Variants in KCTD8 observed in about 807,000 individuals in gnomAD.
KCTD8 encodes BTB/POZ domain-containing protein KCTD8.
KCTD8 carries 27 observed loss-of-function variants against 31.5 expected under a neutral mutation model. The observed-to-expected ratio is 0.86, with a 90% confidence interval of 0.63 to 1.18. The LOEUF (loss-of-function observed/expected upper bound fraction) is 1.18. KCTD8 is among the 50% of genes most tolerant of loss of function. The probability of loss-of-function intolerance (pLI) is 0.00; values close to 1 mark genes in which losing one functional copy is unlikely to be tolerated. For synonymous variants in KCTD8, 290 were observed against 280.0 expected, an observed-to-expected ratio of 1.04 and a Z score of -0.36; for missense variants, 658 against 647.7, an observed-to-expected ratio of 1.02 and a Z score of -0.17.
intron 1 of KCTD8, among the ~76,000 whole-genome samples, chr4:44,436,622 T>C (rs1302905631): frequency 1.3e-5 from 2 of 152,042 alleles, no homozygotes; most frequent in African/African-American, 2.4e-5. Flanking sequence ...GATACTAAAG[T>C]ATGTAGGGGT....
intron 1 of KCTD8, among the ~76,000 whole-genome samples, chr4:44,303,390 T>C (rs1191848899): frequency 6.6e-6 from 1 of 152,124 alleles, no homozygotes; most frequent in African/African-American, 2.4e-5. Context: ...ATTGCCACAA[T>C]TTCAGATCCT....
chr4:44,300,054 T>G (rs1717563669), intron 1 of KCTD8, among the ~76,000 whole-genome samples: 1 of 152,094 alleles, frequency 6.6e-6, no homozygotes, highest in South Asian at 2.1e-4. Flanking sequence ...TCGGCCGCCT[T>G]AGGTGATTTT....
At chr4:44,305,367 A>G (rs932077383) in intron 1 of KCTD8, among the ~76,000 whole-genome samples, 6 of 151,766 alleles carry the variant, frequency 4.0e-5, no homozygotes, top group Admixed American at 2.0e-4. Context: ...AGTTAACAGG[A>G]CAGAAATATT....
At chr4:44,439,896 TTATTTTTATTTA>T (rs1350811969) in intron 1 of KCTD8, among the ~76,000 whole-genome samples, 7 of 56,862 alleles carry the variant, frequency 1.2e-4, no homozygotes, top group African/African-American at 2.1e-4. Flanking sequence ...CACCAATCAT[TTATTTTTATTTA>T]TTTATTTATT....
intron 1 of KCTD8, among the ~76,000 whole-genome samples, chr4:44,443,151 C>G (rs1721855749): frequency 6.6e-6 from 1 of 152,144 alleles, no homozygotes; most frequent in Non-Finnish European, 1.5e-5. Flanking sequence ...TTTGCTTATT[C>G]CTCACTAATT....
At chr4:44,187,990 C>T (rs62304801) in intron 1 of KCTD8, among the ~76,000 whole-genome samples, 1,821 of 142,144 alleles carry the variant, frequency 0.013, 41 homozygotes, top group African/African-American at 0.043. Flanking sequence ...CACACACACA[C>T]ATATATATAT....
At chr4:44,430,845 T>C (rs988453595) in intron 1 of KCTD8, among the ~76,000 whole-genome samples, 17 of 151,558 alleles carry the variant, frequency 1.1e-4, no homozygotes, top group Non-Finnish European at 1.8e-4. Context: ...GACTCACCTT[T>C]TACTCCACCT....
intron 1 of KCTD8, among the ~76,000 whole-genome samples, chr4:44,309,687 T>TAG: frequency 6.6e-6 from 1 of 152,156 alleles, no homozygotes; most frequent in East Asian, 1.9e-4. Flanking sequence ...TAGAATACAT[T>TAG]AGAGAGAGAG....
chr4:44,182,136 C>G (rs990767667), intron 1 of KCTD8, among the ~76,000 whole-genome samples: 1 of 151,274 alleles, frequency 6.6e-6, no homozygotes, highest in Non-Finnish European at 1.5e-5. Flanking sequence ...GGTCAGCCCC[C>G]GCCCGGCCAG....
chr4:44,368,681 T>G (rs556041748), intron 1 of KCTD8, among the ~76,000 whole-genome samples: 1 of 152,232 alleles, frequency 6.6e-6, no homozygotes, highest in South Asian at 2.1e-4. Context: ...AAACTATAAG[T>G]AAAAAGTAAG....
At chr4:44,424,401 AT>A (rs1363225693) in intron 1 of KCTD8, among the ~76,000 whole-genome samples, 2 of 152,052 alleles carry the variant, frequency 1.3e-5, no homozygotes, top group African/African-American at 4.8e-5. Context: ...TATATACACA[AT>A]GTAAACAGCC....
chr4:44,295,538 C>CGT (rs1553899378), intron 1 of KCTD8, among the ~76,000 whole-genome samples: 2 of 151,964 alleles, frequency 1.3e-5, no homozygotes, highest in Non-Finnish European at 2.9e-5. Context: ...TTAAGATAAA[C>CGT]ATTTTATTTG....
chr4:44,442,509 C>A (rs1721838051), intron 1 of KCTD8, among the ~76,000 whole-genome samples: 1 of 152,066 alleles, frequency 6.6e-6, no homozygotes, highest in African/African-American at 2.4e-5. Flanking sequence ...ATGACTTGAA[C>A]CTGGGAGGCG....
At chr4:44,185,434 T>C (rs1713557553) in intron 1 of KCTD8, among the ~76,000 whole-genome samples, 1 of 152,196 alleles carries the variant, frequency 6.6e-6, no homozygotes, top group Non-Finnish European at 1.5e-5. Flanking sequence ...ATTAAGTATA[T>C]CCTTGTTCAA....
chr4:44,210,450 C>A (rs973462368), intron 1 of KCTD8, among the ~76,000 whole-genome samples: 1 of 152,130 alleles, frequency 6.6e-6, no homozygotes, highest in East Asian at 1.9e-4. Context: ...GGTTATATAA[C>A]AATTAGGAAA....
chr4:44,212,704 T>C (rs1430938025), intron 1 of KCTD8, among the ~76,000 whole-genome samples: 1 of 152,172 alleles, frequency 6.6e-6, no homozygotes, highest in Non-Finnish European at 1.5e-5. Context: ...TCTTTTACAC[T>C]CAAAATTTAT....
At chr4:44,394,055 G>C (rs1720438047) in intron 1 of KCTD8, among the ~76,000 whole-genome samples, 2 of 151,764 alleles carry the variant, frequency 1.3e-5, no homozygotes, top group Non-Finnish European at 2.9e-5. Context: ...ACCATTACTG[G>C]TTTACTTTCT....
chr4:44,295,012 G>A (rs1717387278), intron 1 of KCTD8, among the ~76,000 whole-genome samples: 1 of 152,120 alleles, frequency 6.6e-6, no homozygotes, highest in Non-Finnish European at 1.5e-5. Context: ...GAGAAACTAG[G>A]TCCCGCAGGG....
At chr4:44,334,193 C>T (rs1306425910) in intron 1 of KCTD8, among the ~76,000 whole-genome samples, 2 of 152,018 alleles carry the variant, frequency 1.3e-5, no homozygotes, top group Admixed American at 6.6e-5. Flanking sequence ...TCACTCAATA[C>T]ATTGGTTGTC....
Sources: gnomAD v4.1 joint callset for allele counts (sites outside exome capture counted in the v4.1 genomes callset) on GRCh38, gnomAD v4.1.1 for gene constraint, MANE v1.5 for transcripts, NCBI Gene and HGNC (gene_info 2026-07-23, HGNC 2026-07-21) for gene names.